The following MYH8 variants were observed in gnomAD, a reference collection of about 807,000 sequenced individuals.
MYH8 encodes the protein myosin-8.
MYH8 carries 168 observed loss-of-function variants against 233.2 expected under a neutral mutation model. That is an observed-to-expected ratio of 0.72 (90% CI 0.64 to 0.82). The LOEUF is 0.82. Ranked by LOEUF, MYH8 falls within the 40% of genes least tolerant of loss-of-function variation. MYH8 has a pLI of 0.00. For synonymous variants in MYH8, 785 were observed against 850.6 expected, an observed-to-expected ratio of 0.92 and a Z score of 1.34; for missense variants, 1,995 against 2,327.8, an observed-to-expected ratio of 0.86 and a Z score of 2.94.
In MYH8 at chr17:10,400,639, A is replaced by T. The variant is rs1184382281; in HGVS notation, c.3486T>A (p.Ala1162=). The change falls in exon 27 of 40, where the codon GCT becomes GCA. Residue 1162 remains alanine (A), a synonymous_variant. Coordinates refer to ENST00000403437, the MANE Select transcript of MYH8 (RefSeq NM_002472.3). This position sits in a 1 kb window ranked among gnomAD's most constrained non-coding sequence, Gnocchi z 4.0. ...CCCGCTTCTTGTTCAATTCCACCTG[A>T]GCAGAAGTTGCCCCACCGGCTTCTT... The part of the protein sequence containing the change: ...RLEEAGGATS[A]QVELNKKREA... 1.9e-6 allele frequency: 3 copies of T among 1,614,008 alleles called. No individual in the cohort carries two copies. The highest frequency in any genetic ancestry group is 2.5e-6 in the Non-Finnish European group (3 of 1,180,040).
At position 10,396,283 on chromosome 17, in the gene MYH8, G is replaced by A; in HGVS notation, c.4653+47C>T. 6.2e-7 allele frequency: 1 copy of A among 1,606,616 alleles called. No individual in the cohort carries two copies. The highest frequency in any genetic ancestry group is 8.5e-7 in the Non-Finnish European group (1 of 1,176,502). On this transcript the variant is annotated intron_variant, in intron 33 of 39. Coordinates refer to ENST00000403437, the MANE Select transcript of MYH8 (RefSeq NM_002472.3). The surrounding 1 kb of genome is among the most constrained non-coding windows in gnomAD (Gnocchi z 4.2). The stretch of plus-strand genomic sequence containing the variant: ...TCACTAGCCCCACTTTTTTTTAACT[G>A]ATGTTTGTCTTTGTTTTTCCATAAC...
intron 30 of MYH8, 67 bp downstream of exon 30, chr17:10,398,377 T>C: frequency 6.2e-7 from 1 of 1,611,152 alleles, no homozygotes; most frequent in Non-Finnish European, 8.5e-7. Context: ...GCTATTGTTA[T>C]GTTATCATCA....
At position 10,390,525 on chromosome 17, in the gene MYH8, T is replaced by C. The variant is rs1216879928; in HGVS notation, c.5743A>G (p.Ile1915Val). The change falls in exon 40 of 40, where the codon ATT (isoleucine) becomes GTT (valine). Residue 1915 changes from isoleucine (I) to valine (V), a missense_variant. Transcript: ENST00000403437. ...ELEEAEERAD[I>V]AESQVNKLRV... is the part of the protein sequence containing the mutation. ...AATTTGTTGACCTGGGACTCAGCAA[T>C]GTCAGCCCGTTCCTCGGCCTCCTCC... The C allele has an allele frequency of 4.3e-6, 7 of 1,614,222 alleles. No homozygotes were observed. Among genetic ancestry groups the C allele is most frequent in the Admixed American group, 1.7e-5 (1 of 60,030 alleles).
rs2072269216 is a variant in MYH8 at position 10,414,194 on chromosome 17, C to T, written c.1006G>A (p.Asp336Asn). 1 of 1,613,770 alleles carries T rather than the reference C, an allele frequency of 6.2e-7. No homozygotes were observed. Among genetic ancestry groups the T allele is most frequent in the African/African-American group, 1.3e-5 (1 of 75,034 alleles). The change falls in exon 11 of 40, where the codon GAT becomes AAT. Residue 336 changes from aspartate (D) to asparagine (N), a missense_variant and splice_region_variant. Physicochemically the swap from Asp to Asn is conservative, Grantham distance 23 (BLOSUM62 1). Coordinates refer to ENST00000403437, the MANE Select transcript of MYH8 (RefSeq NM_002472.3). ...IDDQEELMAT[D>N]SAIDILGFTP... is the part of the protein sequence containing the mutation. ...TAAAATTAGTGTTTTTGACTTACAT[C>T]AGTGGCCATCAACTCTTCTTGGTCA...
At chr17:10,405,995 A>G (rs2072188856) in intron 21 of MYH8, 46 bp downstream of exon 21, 2 of 1,604,076 alleles carry the variant, frequency 1.2e-6, no homozygotes, top group Admixed American at 1.7e-5. Context: ...ACTGATTGAT[A>G]GTCCTTAAGG....
At chr17:10,421,805 C>T (rs1281714314) in intron 1 of MYH8, 99 bp from the exon 2 acceptor site, 1 of 152,164 alleles carries the variant, frequency 6.6e-6, no homozygotes, top group Non-Finnish European at 1.5e-5. Flanking sequence ...TTCCCTACCC[C>T]AAAGCTTGGT....
chr17:10,409,556 C>T lies in MYH8; in HGVS notation c.1620G>A (p.Glu540=). 2 of 1,614,212 alleles carry T rather than the reference C, an allele frequency of 1.2e-6. No individual in the cohort carries two copies. The highest frequency in any genetic ancestry group is 1.7e-6 in the Non-Finnish European group (2 of 1,180,036). The change falls in exon 16 of 40, where the codon GAG becomes GAA. Residue 540 remains glutamate (E), a synonymous_variant. Transcript: ENST00000403437. ...TGTCCGTTGCCTTAGGGAACATGCA[C>T]TCCTCTTCCAGGATGGAGAAGATGC... ...PLGIFSILEE[E]CMFPKATDTS...
At chr17:10,390,942 T>C (rs1597395858) in intron 39 of MYH8, among the ~76,000 whole-genome samples, 1 of 152,316 alleles carries the variant, frequency 6.6e-6, no homozygotes, top group Non-Finnish European at 1.5e-5. Context: ...ACTTAATATA[T>C]ATTTTGATTC....
rs557091073 is a variant in MYH8 at position 10,416,786 on chromosome 17, A to G, written c.512-1078T>C. On this transcript the variant is annotated intron_variant, in intron 5 of 39. Transcript: ENST00000403437. ...TGCAATGGTTATTAATATTTGGCCA[A>G]TTTTATATCATCTATACCTCATCCC... is the stretch of plus-strand genomic sequence containing the variant. 3.5e-3 allele frequency among the ~76,000 whole-genome samples: 527 copies of G among 152,282 alleles called. 4 individuals are homozygous for G. The highest frequency in any genetic ancestry group is 0.012 in the African/African-American group (479 of 41,554).
At chr17:10,399,992 A>G (rs1317558008) in intron 27 of MYH8, among the ~76,000 whole-genome samples, 3 of 152,160 alleles carry the variant, frequency 2.0e-5, no homozygotes, top group African/African-American at 7.2e-5. Flanking sequence ...TCATGAGGTT[A>G]GGAGATCGAG....
At chr17:10,407,059 A>G in intron 17 of MYH8, 80 bp from the exon 18 acceptor site, 1 of 1,072,486 alleles carries the variant, frequency 9.3e-7, no homozygotes, top group Non-Finnish European at 1.4e-6. Flanking sequence ...ATGAACCTAG[A>G]CAGTCCTTTA....
chr17:10,395,243 T>C lies in MYH8; in HGVS notation c.4852A>G (p.Lys1618Glu), dbSNP rs200572244. ...TTCAGATCTCCTTCCATTTTCTTCT[T>C]GACTCTCAGAGCATCATTTCTGCTT... ...IRSRNDALRV[K>E]KKMEGDLNEM... is the part of the protein sequence containing the mutation. Residue 1618 changes from lysine to glutamate, a missense_variant, in exon 34 of 40, where the codon AAG becomes GAG. Lys to Glu is a moderately conservative substitution (Grantham distance 56). Coordinates refer to ENST00000403437, the MANE Select transcript of MYH8 (RefSeq NM_002472.3). 2 of 1,614,196 alleles carry C rather than the reference T, an allele frequency of 1.2e-6. No individual in the cohort carries two copies. Among genetic ancestry groups the C allele is most frequent in the South Asian group, 2.2e-5 (2 of 91,074 alleles).
At chr17:10,404,926 T>C (rs1325390548) in intron 21 of MYH8, among the ~76,000 whole-genome samples, 2 of 152,176 alleles carry the variant, frequency 1.3e-5, no homozygotes, top group East Asian at 3.8e-4. Flanking sequence ...CACATACCAT[T>C]TGACATATGA....
chr17:10,414,360 A>C, intron 10 of MYH8, 26 bp downstream of exon 10: 4 of 1,598,412 alleles, frequency 2.5e-6, no homozygotes, highest in South Asian at 1.1e-5. Context: ...ATTAACTTCT[A>C]TCTATGACTT....
Position 10,401,408 on chromosome 17 carries a change from A to G in MYH8, c.2975T>C (p.Ile992Thr), listed in dbSNP as rs767929562. The change falls in exon 24 of 40, where the codon ATT (isoleucine) becomes ACT (threonine). Residue 992 changes from isoleucine (I) to threonine (T), a missense_variant. Coordinates refer to ENST00000403437, the MANE Select transcript of MYH8 (RefSeq NM_002472.3). ...TEEMAGLDETIAKLSKEKKAL... is the reference protein window; with the variant it reads ...TEEMAGLDETTAKLSKEKKAL... ...CTTCTTCTCCTTGGACAGTTTTGCAATGGTTTCATCCAGGCCTGCCATCTC... is the reference window on the plus strand; with the variant it reads ...CTTCTTCTCCTTGGACAGTTTTGCAGTGGTTTCATCCAGGCCTGCCATCTC... The G allele has an allele frequency of 2.5e-6, 4 of 1,613,750 alleles. No homozygotes were observed. Among genetic ancestry groups the G allele is most frequent in the African/African-American group, 1.3e-5 (1 of 74,792 alleles).
At position 10,399,533 on chromosome 17, in the gene MYH8, A is replaced by G; in HGVS notation, c.3862+10T>C. ...TCCATGGTGTTGGGACCCAGAGAAG[A>G]TGTCTTTACCCGCTTCTGTCTGCAG... is the stretch of plus-strand genomic sequence containing the variant. On this transcript the variant is annotated intron_variant, in intron 28 of 39. Transcript: ENST00000403437. The G allele has an allele frequency of 6.2e-7, 1 of 1,613,016 alleles. No homozygotes were observed. Among genetic ancestry groups the G allele is most frequent in the African/African-American group, 1.3e-5 (1 of 74,986 alleles).
rs189075063 is a variant in MYH8 at position 10,419,935 on chromosome 17, G to T, written c.210+83C>A. 7,046 of 1,445,728 alleles carry T rather than the reference G, an allele frequency of 4.9e-3. 20 individuals carry two copies. The highest frequency in any genetic ancestry group is 5.8e-3 in the Non-Finnish European group (5,984 of 1,029,300). The allele number at this position is 1,445,728 out of a possible 1,614,324, so 89.6% of individuals were successfully genotyped here. A position where few individuals can be genotyped will look rare whatever the true frequency, so the allele number is the denominator to read the frequency against. ...AGAAGGGTGTTTGCATTGGCAACAGGCTTGGAGATTCCCAGTAAGTTAGGC... is the reference window on the plus strand; with the variant it reads ...AGAAGGGTGTTTGCATTGGCAACAGTCTTGGAGATTCCCAGTAAGTTAGGC... On this transcript the variant is annotated intron_variant, in intron 3 of 39. Coordinates refer to ENST00000403437, the MANE Select transcript of MYH8 (RefSeq NM_002472.3). This position sits in a 1 kb window ranked among gnomAD's most constrained non-coding sequence, Gnocchi z 4.0.
At position 10,409,508 on chromosome 17, in the gene MYH8, A is replaced by G. The variant is rs762049118; in HGVS notation, c.1668T>C (p.Tyr556=). ...ATDTSFKNKL[Y]DQHLGKSANF... is the part of the protein sequence containing the mutation. ...TGGCAGACTTGCCCAGGTGCTGGTC[A>G]TACAGCTTGTTCTTGAAGGAGGTGT... Residue 556 remains tyrosine, a synonymous_variant, in exon 16 of 40, where the codon TAT becomes TAC. Coordinates refer to ENST00000403437, the MANE Select transcript of MYH8 (RefSeq NM_002472.3). 1.2e-6 allele frequency: 2 copies of G among 1,614,110 alleles called. No homozygotes were observed. Among genetic ancestry groups the G allele is most frequent in the Admixed American group, 1.7e-5 (1 of 60,002 alleles).
At chr17:10,418,408 T>A (rs2142191790) in intron 5 of MYH8, among the ~76,000 whole-genome samples, 1 of 152,354 alleles carries the variant, frequency 6.6e-6, no homozygotes, top group Middle Eastern at 3.4e-3. Flanking sequence ...CACTTAACTA[T>A]CTGTGTTAGC....
Sources: gnomAD v4.1 joint callset for allele counts (sites outside exome capture counted in the v4.1 genomes callset) on GRCh38, gnomAD v4.1.1 for gene constraint, Gnocchi (gnomAD v3.1) non-coding constraint, MANE v1.5 for transcripts, NCBI Gene and HGNC (gene_info 2026-07-23, HGNC 2026-07-21) for gene names.